The following ARHGAP15 variants were observed in gnomAD, a reference collection of about 807,000 sequenced individuals.
ARHGAP15 encodes the protein Rho GTPase activating protein 15.
ARHGAP15 carries 51 observed loss-of-function variants against 63.7 expected under a neutral mutation model. That is an observed-to-expected ratio of 0.80 (90% confidence interval 0.64 to 1.01). The LOEUF (loss-of-function observed/expected upper bound fraction) is 1.01. ARHGAP15 is among the 50% of genes least tolerant of loss of function. The probability of loss-of-function intolerance (pLI) is 0.00; values close to 1 mark genes in which losing one functional copy is unlikely to be tolerated. For missense variants in ARHGAP15, 560 were observed against 564.6 expected (o/e 0.99, Z 0.08); for synonymous variants, 191 against 193.8 (o/e 0.99, Z 0.12).
At chr2:143,524,240 G>A (rs1331801402) in intron 10 of ARHGAP15, among the ~76,000 whole-genome samples, 1 of 152,094 alleles carries the variant, frequency 6.6e-6, no homozygotes. Flanking sequence ...TTGTTTGACA[G>A]GATCCAGTTA....
chr2:143,219,704 T>A (rs1692909069), intron 4 of ARHGAP15, among the ~76,000 whole-genome samples: 1 of 152,354 alleles, frequency 6.6e-6, no homozygotes, highest in South Asian at 2.1e-4. Flanking sequence ...GAAGGGATTC[T>A]ACTTTCCACA....
chr2:143,745,300 A>G (rs1159062851), intron 13 of ARHGAP15, among the ~76,000 whole-genome samples: 1 of 152,224 alleles, frequency 6.6e-6, no homozygotes, highest in African/African-American at 2.4e-5. Context: ...CTGAGTGATC[A>G]TATCACCCTT....
chr2:143,605,858 C>CAAA (rs373847590), intron 11 of ARHGAP15, among the ~76,000 whole-genome samples: 15 of 85,306 alleles, frequency 1.8e-4, no homozygotes, highest in African/African-American at 4.3e-4. Flanking sequence ...TACTAAAATA[C>CAAA]AAAAAAAAAA....
intron 12 of ARHGAP15, among the ~76,000 whole-genome samples, chr2:143,655,792 T>G (rs1281016461): frequency 6.6e-6 from 1 of 152,064 alleles, no homozygotes; most frequent in African/African-American, 2.4e-5. Flanking sequence ...CTCTTGGCAG[T>G]CAGCCTCACC....
At chr2:143,326,267 G>T (rs1399381050) in intron 6 of ARHGAP15, among the ~76,000 whole-genome samples, 1 of 152,098 alleles carries the variant, frequency 6.6e-6, no homozygotes, top group East Asian at 1.9e-4. Context: ...CAGTAATCCT[G>T]TGAGTAAACA....
intron 1 of ARHGAP15, among the ~76,000 whole-genome samples, chr2:143,152,026 C>CA (rs1009991826): frequency 6.6e-6 from 1 of 151,802 alleles, no homozygotes; most frequent in Non-Finnish European, 1.5e-5. Flanking sequence ...AATTCATCCA[C>CA]AAAAAAACAT....
At chr2:143,215,679 G>C (rs931799898) in intron 3 of ARHGAP15, among the ~76,000 whole-genome samples, 2 of 152,146 alleles carry the variant, frequency 1.3e-5, no homozygotes, top group African/African-American at 4.8e-5. Context: ...AGACTTTGCA[G>C]GGAGTCAACC....
intron 9 of ARHGAP15, among the ~76,000 whole-genome samples, chr2:143,510,852 T>C (rs777407673): frequency 6.6e-6 from 1 of 152,238 alleles, no homozygotes; most frequent in Non-Finnish European, 1.5e-5. Flanking sequence ...TTTACTAGAA[T>C]CGCTGCAATG....
chr2:143,327,570 C>T lies in ARHGAP15; in HGVS notation c.474+76970C>T, dbSNP rs1376780731. ...AGATACATAGACCAATGGAACATAA[C>T]AGAGGACCCCTTCCCTACACCTTAT... On this transcript the variant is annotated intron_variant, in intron 6 of 13. Coordinates refer to ENST00000295095, the MANE Select transcript of ARHGAP15 (RefSeq NM_018460.4). 2.6e-5 allele frequency among the ~76,000 whole-genome samples: 4 copies of T among 151,686 alleles called. No homozygotes were observed. In the East Asian group the frequency reaches 7.8e-4, roughly 29 times the overall value.
At chr2:143,236,105 C>T in intron 5 of ARHGAP15, 3 of 1,107,422 alleles carry the variant, frequency 2.7e-6, no homozygotes, top group Non-Finnish European at 3.6e-6. Flanking sequence ...CAGTTAACAA[C>T]TCCTACCAGG....
At chr2:143,576,587 A>G (rs1696690348) in intron 11 of ARHGAP15, among the ~76,000 whole-genome samples, 1 of 152,168 alleles carries the variant, frequency 6.6e-6, no homozygotes, top group African/African-American at 2.4e-5. Context: ...CGACGTAATC[A>G]TGAACACAAA....
chr2:143,582,350 C>T (rs1696941722), intron 11 of ARHGAP15, among the ~76,000 whole-genome samples: 1 of 152,124 alleles, frequency 6.6e-6, no homozygotes, highest in Admixed American at 6.6e-5. Flanking sequence ...TGTGACAGTT[C>T]ATCAAAAATC....
chr2:143,673,784 A>ATGTATATATATATATGTATAT (rs71404481), intron 12 of ARHGAP15, among the ~76,000 whole-genome samples: 4 of 114,202 alleles, frequency 3.5e-5, no homozygotes, highest in African/African-American at 1.1e-4. Flanking sequence ...ATATATATAT[A>ATGTATATATATATATGTATAT]AACAACTCCT....
At chr2:143,445,162 T>TA (rs898562300) in intron 8 of ARHGAP15, among the ~76,000 whole-genome samples, 2 of 129,306 alleles carry the variant, frequency 1.5e-5, no homozygotes, top group African/African-American at 6.0e-5. Flanking sequence ...TATTTTTTTT[T>TA]TTTTTTTTTT....
intron 12 of ARHGAP15, among the ~76,000 whole-genome samples, chr2:143,658,827 A>G (rs1014878118): frequency 3.3e-5 from 5 of 152,220 alleles, no homozygotes; most frequent in African/African-American, 1.2e-4. Context: ...TTTGACTTCT[A>G]TCACGTGCCC....
At chr2:143,235,561 G>A (rs903921340) in intron 5 of ARHGAP15, among the ~76,000 whole-genome samples, 2 of 152,146 alleles carry the variant, frequency 1.3e-5, no homozygotes, top group Non-Finnish European at 2.9e-5. Flanking sequence ...CTTCATTCTG[G>A]AATAATCTGT....
At chr2:143,320,409 C>CCCCCCCCCCCCCG (rs1553463618) in intron 6 of ARHGAP15, among the ~76,000 whole-genome samples, 1 of 15,104 alleles carries the variant, frequency 6.6e-5, no homozygotes, top group Non-Finnish European at 2.9e-4. Context: ...GACTTCCCCA[C>CCCCCCCCCCCCCG]CCCCCCCCCC....
intron 6 of ARHGAP15, among the ~76,000 whole-genome samples, chr2:143,323,711 C>T (rs1386850431): frequency 1.3e-5 from 2 of 151,698 alleles, no homozygotes; most frequent in East Asian, 1.9e-4. Flanking sequence ...CGGTGAAACC[C>T]TGTCTCTACT....
At chr2:143,388,602 T>C (rs946413728) in intron 6 of ARHGAP15, among the ~76,000 whole-genome samples, 3 of 152,186 alleles carry the variant, frequency 2.0e-5, no homozygotes, top group Non-Finnish European at 4.4e-5. Flanking sequence ...AGGCATCGTG[T>C]ATGTATAAAC....
Sources: gnomAD v4.1 joint callset for allele counts (sites outside exome capture counted in the v4.1 genomes callset) on GRCh38, gnomAD v4.1.1 for gene constraint, MANE v1.5 for transcripts, NCBI Gene and HGNC (gene_info 2026-07-23, HGNC 2026-07-21) for gene names.